DNAH10: variants seen among roughly 807,000 people sequenced by gnomAD.
The protein encoded by DNAH10 is axonemal beta dynein heavy chain 10.
Under a neutral mutation model 506.6 loss-of-function variants are expected in DNAH10, and 348 were observed. That is an observed-to-expected ratio of 0.69 (90% CI 0.63 to 0.75). The LOEUF (loss-of-function observed/expected upper bound fraction) is 0.75, where lower values mean the gene tolerates loss of function less well. Among genes scored for constraint, DNAH10 ranks in the 30% least tolerant of loss-of-function variants. DNAH10 has a pLI of 0.00. For missense variants in DNAH10, 5,179 were observed against 5,787.1 expected, an observed-to-expected ratio of 0.89 and a Z score of 3.41; for synonymous variants, 2,059 against 2,198.6, an observed-to-expected ratio of 0.94 and a Z score of 1.78.
intron 12 of DNAH10, among the ~76,000 whole-genome samples, chr12:123,794,859 A>G (rs75729848): frequency 6.8e-6 from 1 of 147,686 alleles, no homozygotes; most frequent in Admixed American, 6.8e-5. Flanking sequence ...AAAAAAAAAA[A>G]AATGCTGGCC....
rs1228441918 is a variant in DNAH10, at chr12:123,783,208, A to G, written c.943A>G (p.Asn315Asp). 1.2e-6 allele frequency: 2 copies of G among 1,614,212 alleles called. No individual in the cohort carries two copies. The highest frequency in any genetic ancestry group is 1.7e-6 in the Non-Finnish European group (2 of 1,180,028). Residue 315 changes from asparagine to aspartate, a missense_variant, in exon 7 of 79, where the codon AAC (asparagine) becomes GAC (aspartate). Asn to Asp is a conservative substitution (Grantham distance 23, BLOSUM62 1). Around this residue, in one of 3 missense-constraint regions of DNAH10, gnomAD observed 4,844 missense variants for 5,430.5 expected, o/e 0.89. Transcript: ENST00000673944. Reference protein sequence around the residue: ...TVDILEQCVINWLNQISTAVE... With the variant: ...TVDILEQCVIDWLNQISTAVE... ...TGACATCTTGGAGCAGTGTGTGATA[A>G]ACTGGCTGAATCAGATATCCACAGC...
At chr12:123,801,869 A>G (rs1347006410) in intron 16 of DNAH10, among the ~76,000 whole-genome samples, 1 of 152,200 alleles carries the variant, frequency 6.6e-6, no homozygotes, top group Non-Finnish European at 1.5e-5. Context: ...AGCATTTTCA[A>G]CACCACAGCG....
chr12:123,884,621 C>T (rs77800217), intron 51 of DNAH10, among the ~76,000 whole-genome samples: 1,570 of 152,306 alleles, frequency 0.01, 30 homozygotes, highest in African/African-American at 0.037. Flanking sequence ...GCTCCACCCT[C>T]ATCACCTAAT....
In DNAH10 at chr12:123,916,865, G is replaced by T; in HGVS notation, c.11002+129G>T. On this transcript the variant is annotated intron_variant, in intron 63 of 78. Transcript: ENST00000673944. This position sits in a 1 kb window ranked among gnomAD's most constrained non-coding sequence, Gnocchi z 4.6. ...GATCATTCTCTCATAGGCACATCTG[G>T]ACTAGTCAGCTCTTACCAATTAGGT... The T allele has an allele frequency of 8.4e-7, 1 of 1,189,460 alleles. No individual in the cohort carries two copies. The highest frequency in any genetic ancestry group is 1.1e-6 in the Non-Finnish European group (1 of 871,596). The allele number at this position is 1,189,460 out of a possible 1,614,324, so 73.7% of individuals were successfully genotyped here.
intron 4 of DNAH10, 144 bp downstream of exon 4, chr12:123,773,086 TA>T (rs1957318529): frequency 1.8e-6 from 1 of 548,158 alleles, no homozygotes; most frequent in Admixed American, 3.6e-5. Flanking sequence ...ACTGGGTTCT[TA>T]CGTAGTCTTC....
At chr12:123,833,774 A>AT (rs968387599) in intron 27 of DNAH10, among the ~76,000 whole-genome samples, 18 of 150,310 alleles carry the variant, frequency 1.2e-4, no homozygotes, top group African/African-American at 1.7e-4. Flanking sequence ...TGTGATTTTG[A>AT]TTTTTTTTTC....
intron 12 of DNAH10, 146 bp from the exon 13 acceptor site, chr12:123,796,510 A>C: frequency 1.4e-6 from 1 of 702,976 alleles, no homozygotes; most frequent in Non-Finnish European, 2.3e-6. Flanking sequence ...AGTAGTAAAT[A>C]ATAAGTAAAC....
chr12:123,904,515 G>A (rs1953683950), intron 57 of DNAH10, among the ~76,000 whole-genome samples: 1 of 152,140 alleles, frequency 6.6e-6, no homozygotes, highest in South Asian at 2.1e-4. Context: ...AATCCAAGGT[G>A]GAGGAGTGGG....
chr12:123,831,113 C>G (rs1361823646), intron 26 of DNAH10, among the ~76,000 whole-genome samples: 1 of 151,116 alleles, frequency 6.6e-6, no homozygotes, highest in Non-Finnish European at 1.5e-5. Flanking sequence ...CTTATTGTTT[C>G]TTATTTATTT....
chr12:123,844,682 T>C (rs146659142), intron 30 of DNAH10, among the ~76,000 whole-genome samples: 20 of 152,244 alleles, frequency 1.3e-4, no homozygotes, highest in African/African-American at 4.8e-4. Context: ...TCTGTTGCCC[T>C]GGCCGGAGTA....
intron 48 of DNAH10, 116 bp downstream of exon 48, chr12:123,878,024 A>G: frequency 7.6e-7 from 1 of 1,313,666 alleles, no homozygotes; most frequent in Non-Finnish European, 1.0e-6. Flanking sequence ...TTAATTACCC[A>G]ATGTCTTTGC....
intron 53 of DNAH10, among the ~76,000 whole-genome samples, chr12:123,894,121 C>A (rs1299798634): frequency 7.7e-6 from 1 of 129,746 alleles, no homozygotes; most frequent in Non-Finnish European, 1.6e-5. Flanking sequence ...GACAGAATCT[C>A]GCTCTGTCGC....
At chr12:123,809,777 G>A (rs1466682141) in intron 19 of DNAH10, among the ~76,000 whole-genome samples, 1 of 152,112 alleles carries the variant, frequency 6.6e-6, no homozygotes, top group Non-Finnish European at 1.5e-5. Context: ...TGCTCTGTGA[G>A]GCCGCCATGC....
At chr12:123,781,375 A>G in intron 6 of DNAH10, 76 bp downstream of exon 6, 1 of 1,350,794 alleles carries the variant, frequency 7.4e-7, no homozygotes, top group Non-Finnish European at 1.0e-6. Flanking sequence ...GCATGCCACC[A>G]TGCCTGGCTA....
chr12:123,907,918 C>A lies in DNAH10; in HGVS notation c.9816-1343C>A, dbSNP rs964764743. Among the ~76,000 whole-genome samples the A allele has an allele frequency of 4.6e-5, 7 of 152,290 alleles. No homozygotes were observed. Among genetic ancestry groups the A allele is most frequent in the African/African-American group, 1.7e-4 (7 of 41,558 alleles). On this transcript the variant is annotated intron_variant, in intron 57 of 78. Transcript: ENST00000673944. The surrounding 1 kb of genome is among the most constrained non-coding windows in gnomAD (Gnocchi z 4.4). ...CTTTGTGCTGAAGTGTGGGCGCCCT[C>A]CCTCCTGGCTGTTGCCCTGGCTTGT...
In DNAH10 at chr12:123,925,162, A is replaced by T; in HGVS notation, c.11879A>T (p.Tyr3960Phe). ...CGCTGTTTCCGTGTGGATCGGGTCT[A>T]TCGGGCCGTGACTGACTATGTGACT... ...ILRCFRVDRV[Y>F]RAVTDYVTVT... Residue 3960 changes from tyrosine to phenylalanine, a missense_variant, in exon 68 of 79, where the codon TAT (tyrosine) becomes TTT (phenylalanine). This residue lies in a region of DNAH10 where 4,844 missense variants were observed against 5,430.5 expected (regional missense o/e 0.89). Coordinates refer to ENST00000673944, the MANE Select transcript of DNAH10 (RefSeq NM_001372106.1). The surrounding 1 kb of genome is among the most constrained non-coding windows in gnomAD (Gnocchi z 4.0). 2 of 1,613,444 alleles carry T rather than the reference A, an allele frequency of 1.2e-6. No homozygotes were observed. Among genetic ancestry groups the T allele is most frequent in the Non-Finnish European group, 8.5e-7 (1 of 1,179,732 alleles).
chr12:123,919,145 G>A lies in DNAH10; in HGVS notation c.11506+196G>A, dbSNP rs1299264328. Reference sequence around the variant, plus strand: ...GGCTGGAATGCAGTGGTGCGATCACGGCTCACTGCAACCTCCACCTCCCAG... The same window carrying A: ...GGCTGGAATGCAGTGGTGCGATCACAGCTCACTGCAACCTCCACCTCCCAG... On this transcript the variant is annotated intron_variant, in intron 65 of 78. Transcript: ENST00000673944. This position sits in a 1 kb window ranked among gnomAD's most constrained non-coding sequence, Gnocchi z 4.9. 15 of 628,168 alleles carry A rather than the reference G, an allele frequency of 2.4e-5. No individual in the cohort carries two copies. Among genetic ancestry groups the A allele is most frequent in the Admixed American group, 1.0e-4 (3 of 29,956 alleles). 38.9% of individuals were successfully genotyped at this position (628,168 alleles called of 1,614,324 possible). A position where few individuals can be genotyped will look rare whatever the true frequency, so the allele number is the denominator to read the frequency against.
intron 64 of DNAH10, among the ~76,000 whole-genome samples, chr12:123,918,392 T>C (rs1347887726): frequency 6.6e-6 from 1 of 152,232 alleles, no homozygotes; most frequent in Non-Finnish European, 1.5e-5. Flanking sequence ...GGGTCACATC[T>C]CCTGGAGTCG....
intron 28 of DNAH10, among the ~76,000 whole-genome samples, chr12:123,835,847 A>G (rs2341781): frequency 0.016 from 2,443 of 151,972 alleles, 61 homozygotes; most frequent in African/African-American, 0.056. Context: ...CTGGTCTCAA[A>G]CTCCTAGCCT....
Sources: allele counts gnomAD v4.1 joint callset (sites outside exome capture counted in the v4.1 genomes callset), GRCh38; gene constraint gnomAD v4.1.1; regional missense constraint gnomAD v4.1.1; non-coding constraint Gnocchi (gnomAD v3.1); transcripts MANE v1.5; gene names NCBI Gene and HGNC (gene_info 2026-07-23, HGNC 2026-07-21).